The following CNTN1 variants were observed in gnomAD, a reference collection of about 807,000 sequenced individuals.
CNTN1 encodes the protein contactin 1, also known as contactin-1.
CNTN1 carries 38 observed loss-of-function variants against 126.4 expected under a neutral mutation model. That is an observed-to-expected ratio of 0.30 (90% CI 0.23 to 0.39). The LOEUF (loss-of-function observed/expected upper bound fraction) is 0.39, where lower values mean the gene tolerates loss of function less well. Among genes scored for constraint, CNTN1 ranks in the 10% least tolerant of loss-of-function variants. CNTN1 has a pLI of 1.00. For synonymous variants in CNTN1, 413 were observed against 422.6 expected (o/e 0.98, Z 0.28); for missense variants, 1,009 against 1,248.4 (o/e 0.81, Z 2.89).
At chr12:41,068,403 T>C (rs968535860) in intron 23 of CNTN1, among the ~76,000 whole-genome samples, 1 of 152,114 alleles carries the variant, frequency 6.6e-6, no homozygotes, top group Admixed American at 6.6e-5. Flanking sequence ...TTGAGGGCTG[T>C]TTATATTCCC....
intron 1 of CNTN1, among the ~76,000 whole-genome samples, chr12:40,839,337 A>G (rs564720530): frequency 3.9e-4 from 58 of 149,978 alleles, no homozygotes; most frequent in African/African-American, 1.2e-3. Flanking sequence ...TGAAGAAACA[A>G]CAACAAAAAG....
At chr12:40,964,195 C>T (rs1364776798) in intron 15 of CNTN1, among the ~76,000 whole-genome samples, 1 of 151,888 alleles carries the variant, frequency 6.6e-6, no homozygotes, top group African/African-American at 2.4e-5. Flanking sequence ...AAGATTATAT[C>T]TTATATACTA....
chr12:40,711,161 A>G (rs964475718), intron 1 of CNTN1, among the ~76,000 whole-genome samples: 1 of 152,106 alleles, frequency 6.6e-6, no homozygotes, highest in Non-Finnish European at 1.5e-5. Context: ...TTTCCACAAC[A>G]TGAAGGGAAA....
At chr12:40,842,536 A>G (rs976191872) in intron 1 of CNTN1, among the ~76,000 whole-genome samples, 1 of 152,128 alleles carries the variant, frequency 6.6e-6, no homozygotes, top group Non-Finnish European at 1.5e-5. Context: ...TTATGTATCA[A>G]TAATCATTGT....
chr12:40,856,985 A>G (rs1467256785), intron 1 of CNTN1, among the ~76,000 whole-genome samples: 1 of 152,170 alleles, frequency 6.6e-6, no homozygotes, highest in South Asian at 2.1e-4. Flanking sequence ...TATACAATAT[A>G]TAACACACTG....
At chr12:40,954,851 T>C (rs1228848613) in intron 14 of CNTN1, among the ~76,000 whole-genome samples, 1 of 152,148 alleles carries the variant, frequency 6.6e-6, no homozygotes, top group Non-Finnish European at 1.5e-5. Context: ...CTGACTGCTC[T>C]GATGTGTGAC....
intron 15 of CNTN1, among the ~76,000 whole-genome samples, chr12:40,975,291 A>G (rs1947644294): frequency 1.3e-5 from 2 of 149,608 alleles, no homozygotes; most frequent in Non-Finnish European, 3.0e-5. Context: ...ATTTGTCTGT[A>G]GTGCATGATT....
At chr12:40,966,036 A>G (rs75278247) in intron 15 of CNTN1, among the ~76,000 whole-genome samples, 4,790 of 149,300 alleles carry the variant, frequency 0.032, 88 homozygotes, top group Middle Eastern at 0.1. Context: ...ACACACACAC[A>G]CACGCACGCA....
At chr12:41,025,972 C>T (rs1482468024) in intron 21 of CNTN1, among the ~76,000 whole-genome samples, 1 of 152,076 alleles carries the variant, frequency 6.6e-6, no homozygotes, top group East Asian at 1.9e-4. Flanking sequence ...GATGTGATTA[C>T]CATTAGAGTG....
intron 16 of CNTN1, among the ~76,000 whole-genome samples, chr12:40,989,444 A>G (rs1255699690): frequency 1.3e-5 from 2 of 152,174 alleles, no homozygotes; most frequent in East Asian, 1.9e-4. Flanking sequence ...GAGTAGTACT[A>G]TCTGCTTTAG....
rs116753440 is a variant in CNTN1, at chr12:40,874,283, C to T, written c.-76-34074C>T. 9.7e-3 allele frequency among the ~76,000 whole-genome samples: 1,475 copies of T among 151,798 alleles called. 17 individuals are homozygous for T. Among genetic ancestry groups the T allele is most frequent in the African/African-American group, 0.033 (1,355 of 41,376 alleles). On this transcript the variant is annotated intron_variant, in intron 1 of 23. Coordinates refer to ENST00000551295, the MANE Select transcript of CNTN1 (RefSeq NM_001843.4). ...GTATACAACCTAGTAAATACAAATA[C>T]GTATTAGTTATCATTATTTTTATTA...
chr12:40,696,983 A>T (rs951567200), intron 1 of CNTN1, among the ~76,000 whole-genome samples: 5 of 152,164 alleles, frequency 3.3e-5, no homozygotes, highest in Non-Finnish European at 5.9e-5. Context: ...ACATTTATTC[A>T]TTTCATTTAA....
At chr12:40,775,644 A>G (rs1939549477) in intron 1 of CNTN1, among the ~76,000 whole-genome samples, 1 of 151,626 alleles carries the variant, frequency 6.6e-6, no homozygotes, top group South Asian at 2.1e-4. Flanking sequence ...GAAATCAGCA[A>G]TTCAAAAACT....
At chr12:40,944,293 A>T (rs1368658553) in intron 14 of CNTN1, 123 bp downstream of exon 14, 2 of 882,012 alleles carry the variant, frequency 2.3e-6, no homozygotes, top group Non-Finnish European at 3.6e-6. Context: ...AAAAGCAGGC[A>T]AAAAAGCTTT....
chr12:40,986,981 T>C (rs1458655763), intron 16 of CNTN1, among the ~76,000 whole-genome samples: 2 of 152,190 alleles, frequency 1.3e-5, no homozygotes, highest in African/African-American at 4.8e-5. Flanking sequence ...ATCACTGTTC[T>C]ACCAATGATG....
At chr12:40,948,718 G>A (rs1295052493) in intron 14 of CNTN1, among the ~76,000 whole-genome samples, 3 of 152,252 alleles carry the variant, frequency 2.0e-5, no homozygotes, top group African/African-American at 2.4e-5. Flanking sequence ...TCTCCCATAA[G>A]TATTTGATGC....
chr12:40,916,687 G>C (rs1370976473), intron 3 of CNTN1, among the ~76,000 whole-genome samples: 1 of 152,062 alleles, frequency 6.6e-6, no homozygotes, highest in African/African-American at 2.4e-5. Context: ...ATTATTAGCA[G>C]AGAGCATCTC....
At chr12:40,749,320 T>A (rs999724643) in intron 1 of CNTN1, among the ~76,000 whole-genome samples, 2 of 152,130 alleles carry the variant, frequency 1.3e-5, no homozygotes, top group Admixed American at 1.3e-4. Flanking sequence ...TTGTCCACCT[T>A]TCAGTTAACA....
intron 3 of CNTN1, among the ~76,000 whole-genome samples, chr12:40,911,270 C>T (rs180774911): frequency 1.9e-3 from 290 of 152,050 alleles, no homozygotes; most frequent in African/African-American, 6.9e-3. Flanking sequence ...TTAGTAGAGA[C>T]GGGGTTTCAC....
Sources: allele counts gnomAD v4.1 joint callset (sites outside exome capture counted in the v4.1 genomes callset), GRCh38; gene constraint gnomAD v4.1.1; transcripts MANE v1.5; gene names NCBI Gene and HGNC (gene_info 2026-07-23, HGNC 2026-07-21).